Variants in PUS7L observed in about 807,000 individuals in gnomAD.
The protein encoded by PUS7L is pseudouridylate synthase PUS7L.
A neutral mutation model predicts 51.1 loss-of-function variants in PUS7L; 49 were observed. That is an observed-to-expected ratio of 0.96 (90% CI 0.76 to 1.22). The LOEUF (loss-of-function observed/expected upper bound fraction) is 1.22. Ranked by LOEUF, PUS7L falls within the 50% of genes most tolerant of loss-of-function variation. The probability of loss-of-function intolerance (pLI) is 0.00; values close to 1 mark genes in which losing one functional copy is unlikely to be tolerated. For missense variants in PUS7L, 828 were observed against 820.6 expected (o/e 1.01, Z -0.11); for synonymous variants, 277 against 276.2 (o/e 1.00, Z -0.03).
chr12:43,720,802 T>G lies in PUS7L; in HGVS notation c.*9574A>C, dbSNP rs1944389001. ...TCACTATGATGTATCTCAATGTAGT[T>G]TTTTAATTTACACTGCTTGGGATTC... On this transcript the variant is annotated 3_prime_UTR_variant, in exon 9 of 9. Transcript: ENST00000344862. The G allele has an allele frequency of 6.6e-6, 1 of 152,204 alleles. No individual in the cohort carries two copies. 9.4% of individuals were successfully genotyped at this position (152,204 alleles called of 1,614,324 possible).
At chr12:43,758,348 A>G in intron 1 of PUS7L, 2 of 985,550 alleles carry the variant, frequency 2.0e-6, no homozygotes, top group Non-Finnish European at 2.4e-6. Context: ...CCCATTCAAC[A>G]GAGACTGCTG....
Position 43,730,175 on chromosome 12 carries a change from C to A in PUS7L, c.*201G>T. The A allele has an allele frequency of 1.8e-6, 1 of 542,892 alleles. No individual in the cohort carries two copies. Among genetic ancestry groups the A allele is most frequent in the East Asian group, 2.9e-5 (1 of 34,746 alleles). 33.6% of individuals were successfully genotyped at this position (542,892 alleles called of 1,614,324 possible). A position where few individuals can be genotyped will look rare whatever the true frequency, so the allele number is the denominator to read the frequency against. Reference sequence around the variant, plus strand: ...AGAAAAAAAACACAGGCTTTGGGGTCACATGGACCTTAAATTTGGACCCTG... The same window carrying A: ...AGAAAAAAAACACAGGCTTTGGGGTAACATGGACCTTAAATTTGGACCCTG... On this transcript the variant is annotated 3_prime_UTR_variant, in exon 9 of 9. Transcript: ENST00000344862.
chr12:43,746,450 G>A (rs1010916869), intron 3 of PUS7L, among the ~76,000 whole-genome samples: 3 of 152,118 alleles, frequency 2.0e-5, no homozygotes, highest in Non-Finnish European at 4.4e-5. Context: ...TTAAAAACTT[G>A]AACATATATT....
chr12:43,719,363 A>G lies in PUS7L; in HGVS notation c.*11013T>C, dbSNP rs1489834791. The G allele has an allele frequency of 6.6e-6, 1 of 152,206 alleles. No homozygotes were observed. Among genetic ancestry groups the G allele is most frequent in the Non-Finnish European group, 1.5e-5 (1 of 68,036 alleles). The allele number at this position is 152,206 out of a possible 1,614,324, so 9.4% of individuals were successfully genotyped here. A position where few individuals can be genotyped will look rare whatever the true frequency, so the allele number is the denominator to read the frequency against. On this transcript the variant is annotated 3_prime_UTR_variant, in exon 9 of 9. Transcript: ENST00000344862. ...AGCTATCAAGAAAAGTAAGAAAAGT[A>G]TTATAAAAGTTGAAATAAAGCTAAC...
At chr12:43,746,724 G>T (rs1220348820) in intron 3 of PUS7L, among the ~76,000 whole-genome samples, 1 of 152,136 alleles carries the variant, frequency 6.6e-6, no homozygotes, top group Non-Finnish European at 1.5e-5. Context: ...TAACTTGTAT[G>T]ACCCTATAAG....
intron 7 of PUS7L, among the ~76,000 whole-genome samples, chr12:43,732,924 A>G (rs1438346681): frequency 1.3e-5 from 2 of 152,212 alleles, no homozygotes; most frequent in African/African-American, 2.4e-5. Flanking sequence ...TCTCTCTTGC[A>G]TCACCATTTC....
In PUS7L at chr12:43,724,848, TTTAAAA is replaced by T. The variant is rs1378011522; in HGVS notation, c.*5522_*5527del. 6.6e-6 allele frequency: 1 copy of T among 152,202 alleles called. No individual in the cohort carries two copies. Among genetic ancestry groups the T allele is most frequent in the East Asian group, 1.9e-4 (1 of 5,198 alleles). 9.4% of individuals were successfully genotyped at this position (152,202 alleles called of 1,614,324 possible). A position where few individuals can be genotyped will look rare whatever the true frequency, so the allele number is the denominator to read the frequency against. On this transcript the variant is annotated 3_prime_UTR_variant, in exon 9 of 9. Transcript: ENST00000344862. ...AATACCTTTAAATTGATTCTACCTC[TTTAAAA>T]TTAAATTTAGTTTTAAAGGAAACAT...
intron 7 of PUS7L, among the ~76,000 whole-genome samples, chr12:43,735,925 C>A (rs1451329152): frequency 6.6e-6 from 1 of 151,980 alleles, no homozygotes; most frequent in Non-Finnish European, 1.5e-5. Flanking sequence ...TACAGGCGTG[C>A]GCTACCACAC....
At position 43,754,810 on chromosome 12, in the gene PUS7L, C is replaced by T; in HGVS notation, c.436G>A (p.Glu146Lys). Reference protein sequence around the residue: ...LLNNFACDVREKWLSKTELIG... With the variant: ...LLNNFACDVRKKWLSKTELIG... ...AGCTCTGTTTTAGAAAGCCACTTCT[C>T]TCTTACATCACAGGCAAAATTATTC... Residue 146 changes from glutamate to lysine, a missense_variant, in exon 2 of 9, where the codon GAG becomes AAG. Glu to Lys is a moderately conservative substitution (Grantham distance 56, BLOSUM62 1). Coordinates refer to ENST00000344862, the MANE Select transcript of PUS7L (RefSeq NM_031292.5). The T allele has an allele frequency of 2.5e-6, 4 of 1,613,876 alleles. No individual in the cohort carries two copies. Among genetic ancestry groups the T allele is most frequent in the Non-Finnish European group, 3.4e-6 (4 of 1,179,872 alleles).
chr12:43,736,609 T>G lies in PUS7L; in HGVS notation c.1497A>C (p.Arg499Ser). The G allele has an allele frequency of 6.2e-7, 1 of 1,614,038 alleles. No homozygotes were observed. Among genetic ancestry groups the G allele is most frequent in the Non-Finnish European group, 8.5e-7 (1 of 1,180,016 alleles). The stretch of plus-strand genomic sequence containing the variant: ...AGCGGTGCAATGCCTCCAACAATGC[T>G]CTCTCACGCACTTTGAATTCAGGCA... ...SLMPEFKVRE[R>S]ALLEALHRFG... The change falls in exon 7 of 9, where the codon AGA (arginine) becomes AGC (serine). Residue 499 changes from arginine (R) to serine (S), a missense_variant. Physicochemically the swap from Arg to Ser is moderately radical, Grantham distance 110. Coordinates refer to ENST00000344862, the MANE Select transcript of PUS7L (RefSeq NM_031292.5).
At chr12:43,731,803 C>T (rs372891013) in intron 7 of PUS7L, 45 bp from the exon 8 acceptor site, 2 of 1,176,520 alleles carry the variant, frequency 1.7e-6, no homozygotes, top group Non-Finnish European at 2.5e-6. Flanking sequence ...CCAAATGTTC[C>T]AAATTTCCAC....
At chr12:43,740,255 A>G (rs549667829) in intron 5 of PUS7L, among the ~76,000 whole-genome samples, 1 of 152,322 alleles carries the variant, frequency 6.6e-6, no homozygotes, top group East Asian at 1.9e-4. Flanking sequence ...AAAGGATCTT[A>G]AATAGGTCAT....
intron 2 of PUS7L, among the ~76,000 whole-genome samples, chr12:43,751,504 A>G (rs1394434050): frequency 6.6e-6 from 1 of 152,072 alleles, no homozygotes; most frequent in Non-Finnish European, 1.5e-5. Flanking sequence ...AGCTTCATCC[A>G]CGTCCCTACA....
At chr12:43,739,007 T>C (rs1937750916) in intron 5 of PUS7L, 1 of 159,032 alleles carries the variant, frequency 6.3e-6, no homozygotes, top group Admixed American at 6.5e-5. Context: ...AAACCAATGT[T>C]TGTATTGTTA....
At chr12:43,751,149 A>C (rs1414951568) in intron 2 of PUS7L, among the ~76,000 whole-genome samples, 2 of 152,004 alleles carry the variant, frequency 1.3e-5, no homozygotes, top group African/African-American at 4.8e-5. Flanking sequence ...GGTTGCATGC[A>C]GTTAGATGTG....
chr12:43,725,648 A>C lies in PUS7L; in HGVS notation c.*4728T>G, dbSNP rs2137646443. 1 of 152,228 alleles carries C rather than the reference A, an allele frequency of 6.6e-6. No individual in the cohort carries two copies. The highest frequency in any genetic ancestry group is 1.5e-5 in the Non-Finnish European group (1 of 68,044). The allele number at this position is 152,228 out of a possible 1,614,324, so 9.4% of individuals were successfully genotyped here. ...GTGATCCACTCGTCTTGGCCTCCCC[A>C]AAGTGTTGGGATTACAGGCGTGAGC... On this transcript the variant is annotated 3_prime_UTR_variant, in exon 9 of 9. Coordinates refer to ENST00000344862, the MANE Select transcript of PUS7L (RefSeq NM_031292.5).
intron 5 of PUS7L, among the ~76,000 whole-genome samples, chr12:43,740,555 G>A (rs993661851): frequency 6.6e-6 from 1 of 152,134 alleles, no homozygotes; most frequent in Admixed American, 6.5e-5. Context: ...TTTAAACTGA[G>A]ACCTAAAGAA....
intron 2 of PUS7L, among the ~76,000 whole-genome samples, chr12:43,752,860 G>A (rs1460698196): frequency 6.6e-5 from 10 of 152,030 alleles, no homozygotes; most frequent in Non-Finnish European, 1.5e-4. Context: ...ACTTAAAAAT[G>A]GTTAAGATGG....
At position 43,728,655 on chromosome 12, in the gene PUS7L, C is replaced by A. The variant is rs1017152984; in HGVS notation, c.*1721G>T. ...TTGCCAAAACATATAACAAAAAAAACTTTTTAGTATTAAAAAAAATCCAAA... is the reference window on the plus strand; with the variant it reads ...TTGCCAAAACATATAACAAAAAAAAATTTTTAGTATTAAAAAAAATCCAAA... On this transcript the variant is annotated 3_prime_UTR_variant, in exon 9 of 9. Transcript: ENST00000344862. 2.0e-5 allele frequency: 3 copies of A among 151,872 alleles called. No homozygotes were observed. The highest frequency in any genetic ancestry group is 7.3e-5 in the African/African-American group (3 of 41,378). 9.4% of individuals were successfully genotyped at this position (151,872 alleles called of 1,614,324 possible). A position where few individuals can be genotyped will look rare whatever the true frequency, so the allele number is the denominator to read the frequency against.
Sources: allele counts gnomAD v4.1 joint callset (sites outside exome capture counted in the v4.1 genomes callset), GRCh38; gene constraint gnomAD v4.1.1; transcripts MANE v1.5; gene names NCBI Gene and HGNC (gene_info 2026-07-23, HGNC 2026-07-21).